Variants in USP34 observed in about 807,000 individuals in gnomAD.
The protein encoded by USP34 is ubiquitin carboxyl-terminal hydrolase 34.
Under a neutral mutation model 460.3 loss-of-function variants are expected in USP34, and 70 were observed. The ratio of observed to expected loss-of-function variants is 0.15; its 90% CI spans 0.13 to 0.19. The LOEUF is 0.19. USP34 is among the 10% of genes least tolerant of loss of function. The pLI is 1.00. For missense variants in USP34, 3,985 were observed against 4,236.2 expected (o/e 0.94, Z 1.65); for synonymous variants, 1,647 against 1,405.3 (o/e 1.17, Z -3.85).
rs760517867 is a variant in USP34 at position 61,395,167 on chromosome 2, A to G, written c.603+16T>C. 1 of 1,492,680 alleles carries G rather than the reference A, an allele frequency of 6.7e-7. No homozygotes were observed. The highest frequency in any genetic ancestry group is 1.2e-5 in the South Asian group (1 of 80,720). 92.5% of individuals were successfully genotyped at this position (1,492,680 alleles called of 1,614,324 possible). On this transcript the variant is annotated intron_variant, in intron 4 of 79. Coordinates refer to ENST00000398571, the MANE Select transcript of USP34 (RefSeq NM_014709.4). ...ATAAAATTTTCCATAAAAGAATAAA[A>G]AAGGTAAACACTTACATTCATATCA...
intron 34 of USP34, among the ~76,000 whole-genome samples, chr2:61,288,102 C>T (rs370098256): frequency 1.3e-5 from 2 of 152,180 alleles, no homozygotes; most frequent in African/African-American, 4.8e-5. Context: ...TTTTTAGGCA[C>T]TCCTAGCACC....
intron 2 of USP34, among the ~76,000 whole-genome samples, chr2:61,413,802 A>AC (rs1222912639): frequency 1.4e-5 from 2 of 141,654 alleles, no homozygotes; most frequent in African/African-American, 2.7e-5. Context: ...ACATGGGGAA[A>AC]CCCCGTCTCT....
At chr2:61,332,236 C>T (rs1417422654) in intron 19 of USP34, among the ~76,000 whole-genome samples, 3 of 151,886 alleles carry the variant, frequency 2.0e-5, no homozygotes, top group Non-Finnish European at 2.9e-5. Context: ...GCCATTAGAA[C>T]GAGTTTAAGA....
chr2:61,350,360 T>C lies in USP34; in HGVS notation c.1407A>G (p.Lys469=). ...QTLYLASMLI[K]ALWNNALAAK... The stretch of plus-strand genomic sequence containing the variant: ...CTGCTAGTGCGTTATTCCACAGTGC[T>C]TTAATTAACATGGATGCCAAGTACA... The change falls in exon 12 of 80, where the codon AAA becomes AAG. Residue 469 remains lysine, a synonymous_variant. Coordinates refer to ENST00000398571, the MANE Select transcript of USP34 (RefSeq NM_014709.4). The C allele has an allele frequency of 1.9e-6, 3 of 1,613,458 alleles. No homozygotes were observed. The highest frequency in any genetic ancestry group is 8.5e-7 in the Non-Finnish European group (1 of 1,179,800).
chr2:61,443,897 C>A (rs563230271), intron 1 of USP34, among the ~76,000 whole-genome samples: 3 of 151,992 alleles, frequency 2.0e-5, no homozygotes, highest in Non-Finnish European at 4.4e-5. Flanking sequence ...GAGGAGGCTT[C>A]GTGTGTGGGG....
intron 21 of USP34, among the ~76,000 whole-genome samples, chr2:61,322,919 T>C (rs1558529422): frequency 6.6e-6 from 1 of 151,998 alleles, no homozygotes; most frequent in Non-Finnish European, 1.5e-5. Context: ...ATATCCATAA[T>C]TGGCTGAATC....
Position 61,370,545 on chromosome 2 carries a change from T to A in USP34, c.1111A>T (p.Ser371Cys), listed in dbSNP as rs1311630177. Residue 371 changes from serine (S) to cysteine (C), a missense_variant, in exon 9 of 80, where the codon AGC becomes TGC. Around this residue, in one of 14 missense-constraint regions of USP34, gnomAD observed 716 missense variants for 626.2 expected, o/e 1.14. Coordinates refer to ENST00000398571, the MANE Select transcript of USP34 (RefSeq NM_014709.4). ...IAKELADWLI[S>C]NNVVEHIFGP... ...AATATATGCTCCACCACATTGTTGC[T>A]AATAAGCCAGTCTGCAAGTTCTTTT... The A allele has an allele frequency of 6.2e-7, 1 of 1,613,900 alleles. No individual in the cohort carries two copies. The highest frequency in any genetic ancestry group is 1.7e-5 in the Admixed American group (1 of 60,008).
intron 78 of USP34, 147 bp downstream of exon 78, chr2:61,190,122 CGT>C (rs753963676): frequency 1.5e-5 from 15 of 994,904 alleles, no homozygotes; most frequent in East Asian, 1.3e-4. Context: ...GCATAGTAAA[CGT>C]GTATTTAAAA....
At chr2:61,227,246 T>C in intron 61 of USP34, 28 bp from the exon 62 acceptor site, 1 of 1,580,734 alleles carries the variant, frequency 6.3e-7, no homozygotes, top group Non-Finnish European at 8.6e-7. Context: ...TCAATTTTAA[T>C]ACGGTAGTAG....
chr2:61,248,480 C>G, intron 49 of USP34, 31 bp downstream of exon 49: 2 of 1,516,458 alleles, frequency 1.3e-6, no homozygotes, highest in Middle Eastern at 2.0e-4. Flanking sequence ...TGACAATAAT[C>G]ACAGACAAGA....
chr2:61,259,499 C>A (rs546160677), intron 44 of USP34, among the ~76,000 whole-genome samples: 68 of 151,886 alleles, frequency 4.5e-4, no homozygotes, highest in African/African-American at 1.6e-3. Context: ...GCGAGCCTCC[C>A]TTTTCAGTCT....
At chr2:61,289,788 G>A (rs572563729) in intron 33 of USP34, among the ~76,000 whole-genome samples, 12 of 152,210 alleles carry the variant, frequency 7.9e-5, no homozygotes, top group African/African-American at 1.7e-4. Context: ...AACTCAAAAT[G>A]TATTGTTACA....
chr2:61,444,985 C>T (rs1226146640), intron 1 of USP34, among the ~76,000 whole-genome samples: 1 of 150,848 alleles, frequency 6.6e-6, no homozygotes, highest in Non-Finnish European at 1.5e-5. Context: ...ACAGTAAAAC[C>T]GATAGGTGAT....
chr2:61,429,405 C>T (rs1190493715), intron 1 of USP34, among the ~76,000 whole-genome samples: 1 of 151,954 alleles, frequency 6.6e-6, no homozygotes, highest in African/African-American at 2.4e-5. Flanking sequence ...CAAGATTGCA[C>T]CACTGCACTC....
intron 58 of USP34, among the ~76,000 whole-genome samples, chr2:61,232,103 C>T (rs903772020): frequency 1.3e-5 from 2 of 151,964 alleles, no homozygotes; most frequent in African/African-American, 4.8e-5. Context: ...TTTGAGGTCA[C>T]TATAGTACCC....
intron 27 of USP34, among the ~76,000 whole-genome samples, chr2:61,307,163 T>C (rs1458135685): frequency 2.0e-5 from 3 of 151,934 alleles, no homozygotes; most frequent in Non-Finnish European, 4.4e-5. Context: ...ATGTCCTTTG[T>C]AGGGACATGG....
At chr2:61,409,046 C>T (rs1693963641) in intron 2 of USP34, among the ~76,000 whole-genome samples, 1 of 151,730 alleles carries the variant, frequency 6.6e-6, no homozygotes, top group African/African-American at 2.4e-5. Context: ...ACAGCAAAAC[C>T]TCGTCTCTAT....
At chr2:61,271,364 A>C (rs750706904) in intron 41 of USP34, among the ~76,000 whole-genome samples, 1 of 152,322 alleles carries the variant, frequency 6.6e-6, no homozygotes. Flanking sequence ...TCTCTTTTTA[A>C]TAACTATTAT....
Position 61,236,187 on chromosome 2 carries a change from T to C in USP34, c.6892A>G (p.Lys2298Glu). ...TTTGCTGTCATTAAGGACACAGCTT[T>C]AGGATCTGGTAATGTACTGGGAATA... ...SCIPSTLPDP[K>E]AVSLMTAKLS... Residue 2298 changes from lysine (K) to glutamate (E), a missense_variant, in exon 55 of 80, where the codon AAA (lysine) becomes GAA (glutamate). By Grantham distance (56) the Lys-to-Glu change is moderately conservative (BLOSUM62 1). This residue lies in a region of USP34 where 604 missense variants were observed against 684.8 expected (regional missense o/e 0.88). Coordinates refer to ENST00000398571, the MANE Select transcript of USP34 (RefSeq NM_014709.4). 1 of 1,611,956 alleles carries C rather than the reference T, an allele frequency of 6.2e-7. No individual in the cohort carries two copies. Among genetic ancestry groups the C allele is most frequent in the Non-Finnish European group, 8.5e-7 (1 of 1,179,210 alleles).
Sources: allele counts gnomAD v4.1 joint callset (sites outside exome capture counted in the v4.1 genomes callset), GRCh38; gene constraint gnomAD v4.1.1; regional missense constraint gnomAD v4.1.1; transcripts MANE v1.5; gene names NCBI Gene and HGNC (gene_info 2026-07-23, HGNC 2026-07-21).